PHF20: variants seen among roughly 807,000 people sequenced by gnomAD.
PHF20 encodes PHD finger protein 20, also known as glioma-expressed antigen 2.
PHF20 carries 23 observed loss-of-function variants against 113.5 expected under a neutral mutation model. That is an observed-to-expected ratio of 0.20 (90% confidence interval 0.15 to 0.29). PHF20 has a LOEUF of 0.29. Among genes scored for constraint, PHF20 ranks in the 10% least tolerant of loss-of-function variants. PHF20 has a pLI of 1.00. For missense variants in PHF20, 943 were observed against 1,219.6 expected (o/e 0.77, Z 3.38); for synonymous variants, 434 against 457.3 (o/e 0.95, Z 0.65).
intron 9 of PHF20, among the ~76,000 whole-genome samples, chr20:35,893,005 T>C (rs1255128615): frequency 4.6e-5 from 7 of 152,232 alleles, no homozygotes; most frequent in Non-Finnish European, 1.0e-4. Context: ...GCCAGGATCT[T>C]TGTGATAGTG....
intron 17 of PHF20, 91 bp downstream of exon 17, chr20:35,941,138 A>C: frequency 9.9e-7 from 1 of 1,006,724 alleles, no homozygotes; most frequent in South Asian, 1.6e-5. Context: ...CTGAGTTTAC[A>C]GGGACCGCTG....
At chr20:35,830,733 C>CT (rs888568606) in intron 2 of PHF20, among the ~76,000 whole-genome samples, 29 of 146,052 alleles carry the variant, frequency 2.0e-4, no homozygotes, top group East Asian at 4.0e-4. Flanking sequence ...TTCCCTTCAA[C>CT]TTTTTTTTTT....
chr20:35,884,506 C>T (rs549063573), intron 9 of PHF20, among the ~76,000 whole-genome samples: 1 of 152,272 alleles, frequency 6.6e-6, no homozygotes, highest in African/African-American at 2.4e-5. Context: ...CAGGGGCTAG[C>T]CTTGAAATGT....
At chr20:35,944,675 G>A (rs573562380) in intron 17 of PHF20, among the ~76,000 whole-genome samples, 69 of 152,190 alleles carry the variant, frequency 4.5e-4, no homozygotes, top group African/African-American at 1.5e-3. Context: ...AGGTTTAAGC[G>A]ACTCTTCCTT....
chr20:35,950,154 G>A lies in PHF20; in HGVS notation c.*2527G>A, dbSNP rs930051112. The A allele has an allele frequency of 6.6e-6, 1 of 152,640 alleles. No individual in the cohort carries two copies. Among genetic ancestry groups the A allele is most frequent in the Non-Finnish European group, 1.5e-5 (1 of 68,040 alleles). The allele number at this position is 152,640 out of a possible 1,614,324, so 9.5% of individuals were successfully genotyped here. A position where few individuals can be genotyped will look rare whatever the true frequency, so the allele number is the denominator to read the frequency against. ...ATAAAAAATTACCTTGACAAAAATA[G>A]TTCCGGTTTGACTAATCATTTTGTT... On this transcript the variant is annotated 3_prime_UTR_variant, in exon 18 of 18. Coordinates refer to ENST00000374012, the MANE Select transcript of PHF20 (RefSeq NM_016436.5).
intron 1 of PHF20, among the ~76,000 whole-genome samples, chr20:35,777,118 C>G (rs1421325492): frequency 6.6e-6 from 1 of 152,182 alleles, no homozygotes; most frequent in Non-Finnish European, 1.5e-5. Context: ...TCAGAACTAC[C>G]TGAAATCCTC....
chr20:35,787,676 G>A (rs752281672), intron 1 of PHF20, among the ~76,000 whole-genome samples: 1 of 150,816 alleles, frequency 6.6e-6, no homozygotes. Context: ...TAGTCTAGAC[G>A]AGGTTTCACC....
chr20:35,890,599 G>T (rs2054830692), intron 9 of PHF20, among the ~76,000 whole-genome samples: 1 of 152,160 alleles, frequency 6.6e-6, no homozygotes, highest in African/African-American at 2.4e-5. Context: ...GGGTTTTGTG[G>T]CCAGGCACAG....
intron 17 of PHF20, among the ~76,000 whole-genome samples, chr20:35,944,460 AG>A: frequency 6.6e-6 from 1 of 152,334 alleles, no homozygotes; most frequent in East Asian, 1.9e-4. Context: ...TGACCTTAAG[AG>A]GGGCCTCTCA....
At chr20:35,820,445 CTTT>C (rs369532387) in intron 2 of PHF20, among the ~76,000 whole-genome samples, 6 of 129,628 alleles carry the variant, frequency 4.6e-5, no homozygotes, top group African/African-American at 5.8e-5. Flanking sequence ...GGAATAAGTA[CTTT>C]TTTTTTTTTT....
At chr20:35,854,450 G>C (rs995762395) in intron 4 of PHF20, among the ~76,000 whole-genome samples, 7 of 152,174 alleles carry the variant, frequency 4.6e-5, no homozygotes, top group Non-Finnish European at 8.8e-5. Flanking sequence ...TGTGGCCACA[G>C]GAGAACTCTA....
intron 10 of PHF20, among the ~76,000 whole-genome samples, chr20:35,900,643 T>A (rs371684293): frequency 2.6e-5 from 4 of 151,884 alleles, no homozygotes; most frequent in African/African-American, 7.2e-5. Flanking sequence ...AGACCAGCCT[T>A]ACTTAACATG....
chr20:35,870,537 T>TGGAGTGAGTTGG (rs1340340761), intron 7 of PHF20, among the ~76,000 whole-genome samples: 1 of 151,926 alleles, frequency 6.6e-6, no homozygotes, highest in Non-Finnish European at 1.5e-5. Flanking sequence ...AAATACCCTC[T>TGGAGTGAGTTGG]GGAGTGAGTT....
At position 35,863,235 on chromosome 20, in the gene PHF20, A is replaced by C; in HGVS notation, c.643A>C (p.Lys215Gln). 1 of 1,614,176 alleles carries C rather than the reference A, an allele frequency of 6.2e-7. No homozygotes were observed. The highest frequency in any genetic ancestry group is 1.7e-5 in the Admixed American group (1 of 60,016). The change falls in exon 6 of 18, where the codon AAG (lysine) becomes CAG (glutamine). Residue 215 changes from lysine to glutamine, a missense_variant. Lys to Gln is a moderately conservative substitution (Grantham distance 53). This residue lies in a region of PHF20 where 592 missense variants were observed against 787.2 expected (regional missense o/e 0.75). Coordinates refer to ENST00000374012, the MANE Select transcript of PHF20 (RefSeq NM_016436.5). ...KGKVSEKSLP[K>Q]NEKEDKENIS... ...GAAAGTGTCAGAGAAAAGTCTTCCC[A>C]AGAACGAGAAGGAAGACAAGGAAAA...
intron 2 of PHF20, among the ~76,000 whole-genome samples, chr20:35,818,400 A>G (rs1568606703): frequency 6.6e-6 from 1 of 152,158 alleles, no homozygotes; most frequent in African/African-American, 2.4e-5. Context: ...AGCTGGGACT[A>G]CAGGCATGTG....
intron 2 of PHF20, among the ~76,000 whole-genome samples, chr20:35,835,648 G>C (rs2042426686): frequency 6.6e-6 from 1 of 152,056 alleles, no homozygotes; most frequent in Non-Finnish European, 1.5e-5. Flanking sequence ...GAATAAAAGA[G>C]TCCGGGCACA....
rs1240958361 is a variant in PHF20, at chr20:35,947,569, A to G, written c.2981A>G (p.Lys994Arg). The change falls in exon 18 of 18, where the codon AAG (lysine) becomes AGG (arginine). Residue 994 changes from lysine to arginine, a missense_variant. Physicochemically the swap from Lys to Arg is conservative, Grantham distance 26. This residue lies in a region of PHF20 where 349 missense variants were observed against 412.3 expected (regional missense o/e 0.85). Coordinates refer to ENST00000374012, the MANE Select transcript of PHF20 (RefSeq NM_016436.5). Reference protein sequence around the residue: ...ARLPQLKHCIKQLLMDLGKVQ... With the variant: ...ARLPQLKHCIRQLLMDLGKVQ... Reference sequence around the variant, plus strand: ...CTTCCGCAGCTCAAGCATTGTATCAAGCAGCTGCTGATGGACCTGGGCAAG... The same window carrying G: ...CTTCCGCAGCTCAAGCATTGTATCAGGCAGCTGCTGATGGACCTGGGCAAG... 13 of 1,614,118 alleles carry G rather than the reference A, an allele frequency of 8.1e-6. No homozygotes were observed. The highest frequency in any genetic ancestry group is 1.1e-5 in the Non-Finnish European group (13 of 1,180,008).
chr20:35,938,929 C>T lies in PHF20; in HGVS notation c.2533C>T (p.Arg845Cys), dbSNP rs144252568. 78 of 1,614,090 alleles carry T rather than the reference C, an allele frequency of 4.8e-5. No homozygotes were observed. Among genetic ancestry groups the T allele is most frequent in the South Asian group, 7.7e-5 (7 of 91,096 alleles). Residue 845 changes from arginine to cysteine, a missense_variant, in exon 16 of 18, where the codon CGC becomes TGC. By Grantham distance (180) the Arg-to-Cys change is radical. Coordinates refer to ENST00000374012, the MANE Select transcript of PHF20 (RefSeq NM_016436.5). ...CAGTGAGCATTGCTACCAGAAGCCC[C>T]GCGCCTATTACCCTGCCGTGGAGCA... ...ITSEHCYQKP[R>C]AYYPAVEQKL...
chr20:35,870,387 A>G (rs1053043355), intron 7 of PHF20, among the ~76,000 whole-genome samples: 1 of 151,078 alleles, frequency 6.6e-6, no homozygotes, highest in Admixed American at 6.6e-5. Context: ...AGGCTGAGGC[A>G]GGAGAATTGT....
Sources: gnomAD v4.1 joint callset for allele counts (sites outside exome capture counted in the v4.1 genomes callset) on GRCh38, gnomAD v4.1.1 for gene constraint, gnomAD v4.1.1 regional missense constraint, MANE v1.5 for transcripts, NCBI Gene and HGNC (gene_info 2026-07-23, HGNC 2026-07-21) for gene names.